The following CCP110 variants were observed in gnomAD, a reference collection of about 807,000 sequenced individuals.
The protein encoded by CCP110 is centriolar coiled-coil protein 110, also known as centriolar coiled-coil protein of 110 kDa.
In CCP110, 43 loss-of-function variants were observed where a neutral mutation model predicts 105.5. The observed-to-expected ratio is 0.41, with a 90% CI of 0.32 to 0.53. The LOEUF (loss-of-function observed/expected upper bound fraction) is 0.53, where lower values mean the gene tolerates loss of function less well. CCP110 is among the 20% of genes least tolerant of loss of function. CCP110 has a pLI of 0.32. For synonymous variants in CCP110, 353 were observed against 392.1 expected (o/e 0.90, Z 1.18); for missense variants, 1,016 against 1,189.1 (o/e 0.85, Z 2.14).
chr16:19,525,344 AC>A (rs1158920774), intron 1 of CCP110: 6 of 152,236 alleles, frequency 3.9e-5, no homozygotes, highest in Non-Finnish European at 5.9e-5. Flanking sequence ...GCTGTAGCTG[AC>A]AAATTATTAC....
rs780391815 is a variant in CCP110 at position 19,545,098 on chromosome 16, G to A, written c.2591G>A (p.Arg864Gln). ...ATTTTCTTCTCTTGTGCCTAGTTGC[G>A]AGCTGCCTTGTACGGTATTCATGAC... Residue 864 changes from arginine (R) to glutamine (Q), a missense_variant, in exon 10 of 15, where the codon CGA becomes CAA. Arg to Gln is a conservative substitution (Grantham distance 43, BLOSUM62 1). Coordinates refer to ENST00000381396, the Ensembl canonical transcript of CCP110. 8.8e-6 allele frequency: 14 copies of A among 1,592,544 alleles called. No individual in the cohort carries two copies. The African/African-American group carries it at 1.1e-4, about 12-fold the overall frequency.
At chr16:19,551,372 C>G (rs1156424246) in exon 15 of CCP110, 2 of 815,088 alleles carry the variant, frequency 2.5e-6, no homozygotes, top group Non-Finnish European at 4.3e-6. Context: ...GAAGGCTGAG[C>G]ACTTATCTGG....
exon 15 of CCP110, chr16:19,552,446 G>A (rs965599751): frequency 6.6e-6 from 1 of 150,528 alleles, no homozygotes; most frequent in African/African-American, 2.5e-5. Context: ...CGAATTGCTT[G>A]AACCTGGGAG....
chr16:19,544,448 G>A (rs538674591), intron 8 of CCP110, among the ~76,000 whole-genome samples: 2 of 152,266 alleles, frequency 1.3e-5, no homozygotes, highest in South Asian at 2.1e-4. Context: ...AAAAACAAAT[G>A]ATGGTTGTGT....
chr16:19,544,894 C>T, exon 9 of CCP110: 1 of 1,536,478 alleles, frequency 6.5e-7, no homozygotes, highest in East Asian at 2.3e-5. Flanking sequence ...AGAGTGTTAG[C>T]TCAGGTAAAT....
chr16:19,532,571 T>TA (rs761915108), intron 3 of CCP110, 27 bp downstream of exon 3: 1 of 1,547,984 alleles, frequency 6.5e-7, no homozygotes, highest in South Asian at 1.2e-5. Context: ...GTTTCAGTTA[T>TA]AATAAAGAAA....
chr16:19,546,815 CAAA>C (rs11362495), intron 12 of CCP110: 13 of 100,116 alleles, frequency 1.3e-4, no homozygotes, highest in Non-Finnish European at 1.6e-4. Flanking sequence ...AACTCTATCT[CAAA>C]AAAAAAAAAA....
At chr16:19,531,590 C>G (rs1338968233) in intron 2 of CCP110, among the ~76,000 whole-genome samples, 2 of 152,166 alleles carry the variant, frequency 1.3e-5, no homozygotes, top group Non-Finnish European at 2.9e-5. Context: ...AACCTTTGGA[C>G]ATTTTTTGAG....
intron 12 of CCP110, chr16:19,547,238 C>G (rs1195115303): frequency 2.0e-5 from 3 of 152,046 alleles, no homozygotes; most frequent in Non-Finnish European, 2.9e-5. Flanking sequence ...AATCCTGTCT[C>G]TATTAAAAAT....
chr16:19,534,437 AT>A (rs895548240), intron 3 of CCP110, among the ~76,000 whole-genome samples: 2 of 152,098 alleles, frequency 1.3e-5, no homozygotes, highest in Admixed American at 6.5e-5. Flanking sequence ...TCTATGATAG[AT>A]TTTTTTCTTG....
At chr16:19,546,202 GA>G in intron 11 of CCP110, 1 of 515,136 alleles carries the variant, frequency 1.9e-6, no homozygotes, top group Non-Finnish European at 3.4e-6. Context: ...GGTTTCTTGG[GA>G]ATAAAGACTT....
At chr16:19,530,925 C>T (rs1969845683) in intron 2 of CCP110, among the ~76,000 whole-genome samples, 1 of 151,312 alleles carries the variant, frequency 6.6e-6, no homozygotes, top group African/African-American at 2.4e-5. Context: ...GAGACTCCAT[C>T]TCAAAAAAAA....
At position 19,547,838 on chromosome 16, in the gene CCP110, C is replaced by T; in HGVS notation, c.2841-117C>T. The T allele has an allele frequency of 1.2e-5, 9 of 729,712 alleles. No homozygotes were observed. In the South Asian group the frequency reaches 1.2e-4, roughly 10 times the overall value. 45.2% of individuals were successfully genotyped at this position (729,712 alleles called of 1,614,324 possible). A position where few individuals can be genotyped will look rare whatever the true frequency, so the allele number is the denominator to read the frequency against. ...CTCTGATTTGTGGTAATATATAGGC[C>T]ATATTATTGCATAGTTGACCTTTAC... On this transcript the variant is annotated intron_variant, in intron 12 of 14. Coordinates refer to ENST00000381396, the Ensembl canonical transcript of CCP110.
rs747556832 is a variant in CCP110 at position 19,542,604 on chromosome 16, T to C, written c.2228-17T>C. 2 of 1,561,132 alleles carry C rather than the reference T, an allele frequency of 1.3e-6. No homozygotes were observed. The highest frequency in any genetic ancestry group is 2.2e-5 in the East Asian group (1 of 44,600). ...TTATATGACATCAAGTATAATACTA[T>C]ATGTATGTTTCTCTAGGTTTCACAA... On this transcript the variant is annotated splice_polypyrimidine_tract_variant and intron_variant, in intron 6 of 14. Transcript: ENST00000381396.
At chr16:19,541,817 GC>G in intron 5 of CCP110, 69 bp from the exon 6 acceptor site, 1 of 850,702 alleles carries the variant, frequency 1.2e-6, no homozygotes. Context: ...TTTTGGCTAA[GC>G]CTAAAATGAT....
At position 19,548,539 on chromosome 16, in the gene CCP110, G is replaced by C; in HGVS notation, c.2925G>C (p.Gly975=). The C allele has an allele frequency of 6.5e-7, 1 of 1,549,146 alleles. No homozygotes were observed. The highest frequency in any genetic ancestry group is 8.7e-7 in the Non-Finnish European group (1 of 1,145,932). Residue 975 remains glycine (G), a synonymous_variant, in exon 14 of 15, where the codon GGG becomes GGC. Transcript: ENST00000381396. This position sits in a 1 kb window ranked among gnomAD's most constrained non-coding sequence, Gnocchi z 4.1. ...GAACCCCTAAGACATCAGTGAAGGG[G>C]GTTGTGCAAAATAGACAGAAGCCTT... is the stretch of plus-strand genomic sequence containing the variant.
At position 19,542,957 on chromosome 16, in the gene CCP110, A is replaced by T. The variant is rs1427130599; in HGVS notation, c.2447A>T (p.Gln816Leu). Residue 816 changes from glutamine to leucine, a missense_variant, in exon 8 of 15, where the codon CAG becomes CTG. Gln to Leu is a moderately radical substitution (Grantham distance 113). Coordinates refer to ENST00000381396, the Ensembl canonical transcript of CCP110. ...GGATTTCTTACTCGTAGACTTATGCAGACAGATAAGCTGAAGCAACTTCGA... is the reference window on the plus strand; with the variant it reads ...GGATTTCTTACTCGTAGACTTATGCTGACAGATAAGCTGAAGCAACTTCGA... 1.9e-6 allele frequency: 3 copies of T among 1,610,620 alleles called. No individual in the cohort carries two copies. In the South Asian group the frequency reaches 3.3e-5, roughly 18 times the overall value.
chr16:19,550,541 C>T lies in CCP110; in HGVS notation c.2987-655C>T, dbSNP rs115806527. ...GAATCTGAACACAGGAACTCACTGT[C>T]GCTCTTGAAAAGATTACTCTTTCCT... On this transcript the variant is annotated intron_variant, in intron 14 of 14. Coordinates refer to ENST00000381396, the Ensembl canonical transcript of CCP110. Among the ~76,000 whole-genome samples the T allele has an allele frequency of 6.2e-3, 945 of 152,248 alleles. 4 individuals are homozygous for T. The highest frequency in any genetic ancestry group is 0.041 in the Middle Eastern group (12 of 294).
At chr16:19,550,405 G>A (rs556844672) in intron 14 of CCP110, among the ~76,000 whole-genome samples, 2 of 152,240 alleles carry the variant, frequency 1.3e-5, no homozygotes, top group South Asian at 4.1e-4. Context: ...CGCCCACCTC[G>A]GCTTCCCAGA....
Sources: allele counts gnomAD v4.1 joint callset (sites outside exome capture counted in the v4.1 genomes callset), GRCh38; gene constraint gnomAD v4.1.1; non-coding constraint Gnocchi (gnomAD v3.1); transcripts MANE v1.5; gene names NCBI Gene and HGNC (gene_info 2026-07-23, HGNC 2026-07-21).